PACRG: variants seen among roughly 807,000 people sequenced by gnomAD.
PACRG encodes the protein parkin coregulated gene protein.
In PACRG, 29 loss-of-function variants were observed where a neutral mutation model predicts 29.7. The observed-to-expected ratio is 0.98, with a 90% CI of 0.73 to 1.33. The LOEUF is 1.33. Among genes scored for constraint, PACRG ranks in the 40% most tolerant of loss-of-function variants. PACRG has a pLI of 0.00. For synonymous variants in PACRG, 116 were observed against 118.7 expected (o/e 0.98, Z 0.15); for missense variants, 279 against 316.2 (o/e 0.88, Z 0.89).
intron 4 of PACRG, among the ~76,000 whole-genome samples, chr6:163,096,972 C>T (rs1445694830): frequency 6.6e-6 from 1 of 152,180 alleles, no homozygotes; most frequent in East Asian, 1.9e-4. Flanking sequence ...TTCCTAATTG[C>T]AAATATTCCA....
chr6:163,247,114 T>C (rs1475230655), intron 4 of PACRG, among the ~76,000 whole-genome samples: 2 of 152,222 alleles, frequency 1.3e-5, no homozygotes, highest in East Asian at 3.9e-4. Context: ...AGTGCTCTGG[T>C]ATCCTTACTT....
chr6:163,129,547 G>C (rs567517620), intron 4 of PACRG, among the ~76,000 whole-genome samples: 2 of 152,208 alleles, frequency 1.3e-5, no homozygotes, highest in Non-Finnish European at 2.9e-5. Context: ...AATGTTGAGC[G>C]TGTTCCTTGT....
chr6:163,079,645 C>G (rs915773178), intron 3 of PACRG, among the ~76,000 whole-genome samples: 4 of 152,074 alleles, frequency 2.6e-5, no homozygotes, highest in African/African-American at 9.7e-5. Flanking sequence ...GAATCACCTG[C>G]TTAAATAATC....
intron 4 of PACRG, among the ~76,000 whole-genome samples, chr6:163,254,827 G>T (rs991086083): frequency 6.6e-6 from 1 of 152,200 alleles, no homozygotes; most frequent in Admixed American, 6.5e-5. Context: ...TGCACCACTG[G>T]GCTTGGCCTG....
At chr6:162,751,377 A>G (rs972641310) in intron 1 of PACRG, among the ~76,000 whole-genome samples, 4 of 152,146 alleles carry the variant, frequency 2.6e-5, no homozygotes, top group Admixed American at 2.6e-4. Context: ...TCATGTTCCC[A>G]TTAGTCACTC....
intron 1 of PACRG, among the ~76,000 whole-genome samples, chr6:162,750,586 A>G (rs746972865): frequency 6.6e-6 from 1 of 152,192 alleles, no homozygotes; most frequent in Non-Finnish European, 1.5e-5. Flanking sequence ...GAAACTCTTT[A>G]AGATAGTGTC....
intron 4 of PACRG, among the ~76,000 whole-genome samples, chr6:163,174,076 A>C (rs1001643124): frequency 2.0e-5 from 3 of 152,224 alleles, no homozygotes; most frequent in African/African-American, 7.2e-5. Context: ...AATTCTACTC[A>C]GCTGGAAGTG....
At chr6:162,841,904 T>C (rs1247330193) in intron 2 of PACRG, among the ~76,000 whole-genome samples, 2 of 151,386 alleles carry the variant, frequency 1.3e-5, no homozygotes, top group South Asian at 2.1e-4. Context: ...AGTTGAGCGG[T>C]TTTGAGTGAG....
chr6:163,129,837 A>G (rs923782435), intron 4 of PACRG, among the ~76,000 whole-genome samples: 2 of 152,164 alleles, frequency 1.3e-5, no homozygotes, highest in African/African-American at 4.8e-5. Context: ...GGCTGTGAGG[A>G]TTAAATGGGT....
intron 4 of PACRG, chr6:163,095,562 A>T (rs1350061180): frequency 3.9e-5 from 21 of 535,822 alleles, no homozygotes; most frequent in Non-Finnish European, 4.5e-5. Context: ...GCCAGCTCTC[A>T]CTGCAGGCTC....
chr6:162,863,145 TG>T (rs1792004597), intron 2 of PACRG, among the ~76,000 whole-genome samples: 1 of 152,206 alleles, frequency 6.6e-6, no homozygotes, highest in Admixed American at 6.5e-5. Flanking sequence ...GGGCAGCCCC[TG>T]GGCTTCAGCC....
chr6:162,994,456 T>A (rs1803768006), intron 2 of PACRG, among the ~76,000 whole-genome samples: 1 of 149,734 alleles, frequency 6.7e-6, no homozygotes, highest in South Asian at 2.1e-4. Flanking sequence ...TATTCTTTTT[T>A]CTCTAACCTT....
rs201609837 is a variant in PACRG, at chr6:162,814,135, T to TC, written c.157-12_157-11insC. ...TTAAAACCTGATCCCTATTTTTTTT[T>TC]TTCCAATTAAGGTGAGAGGCCCTCC... On this transcript the variant is annotated splice_polypyrimidine_tract_variant and intron_variant, in intron 1 of 4. Transcript: ENST00000366888. 0.065 allele frequency: 102,855 copies of TC among 1,592,880 alleles called. 4,409 individuals are homozygous for TC. Among genetic ancestry groups the TC allele is most frequent in the East Asian group, 0.27 (11,972 of 44,594 alleles).
At chr6:163,219,502 A>G (rs1312849086) in intron 4 of PACRG, among the ~76,000 whole-genome samples, 1 of 152,224 alleles carries the variant, frequency 6.6e-6, no homozygotes, top group Non-Finnish European at 1.5e-5. Flanking sequence ...CAAAAGAGTT[A>G]TCTTTTCAAA....
At chr6:162,925,776 C>T (rs968512659) in intron 2 of PACRG, among the ~76,000 whole-genome samples, 3 of 152,176 alleles carry the variant, frequency 2.0e-5, no homozygotes, top group South Asian at 2.1e-4. Flanking sequence ...TCTCACCACT[C>T]CTATTCAATA....
chr6:163,314,157 C>T (rs532485885), intron 4 of PACRG, among the ~76,000 whole-genome samples: 5 of 152,276 alleles, frequency 3.3e-5, no homozygotes, highest in South Asian at 2.1e-4. Context: ...CACACCTCCC[C>T]GGACTTGGGG....
At chr6:163,290,724 G>A (rs963110629) in intron 4 of PACRG, among the ~76,000 whole-genome samples, 1 of 152,236 alleles carries the variant, frequency 6.6e-6, no homozygotes, top group Non-Finnish European at 1.5e-5. Flanking sequence ...ATTCAACGGT[G>A]TTAGCACTGT....
chr6:163,273,578 C>A (rs951162203), intron 4 of PACRG, among the ~76,000 whole-genome samples: 11 of 152,070 alleles, frequency 7.2e-5, no homozygotes, highest in African/African-American at 2.7e-4. Context: ...CTAAAAATTT[C>A]TTCAATTTAT....
chr6:163,011,274 C>T (rs949543414), intron 2 of PACRG, among the ~76,000 whole-genome samples: 3 of 152,172 alleles, frequency 2.0e-5, no homozygotes, highest in Non-Finnish European at 4.4e-5. Flanking sequence ...TTACACACAC[C>T]TGGACGGGAC....
Sources: gnomAD v4.1 joint callset for allele counts (sites outside exome capture counted in the v4.1 genomes callset) on GRCh38, gnomAD v4.1.1 for gene constraint, MANE v1.5 for transcripts, NCBI Gene and HGNC (gene_info 2026-07-23, HGNC 2026-07-21) for gene names.